The following CDH13 variants were observed in gnomAD, a reference collection of about 807,000 sequenced individuals.
The protein encoded by CDH13 is cadherin-13.
In CDH13, 24 loss-of-function variants were observed where a neutral mutation model predicts 63.8. That is an observed-to-expected ratio of 0.38 (90% CI 0.27 to 0.53). The LOEUF (loss-of-function observed/expected upper bound fraction) is 0.53, where lower values mean the gene tolerates loss of function less well. Among genes scored for constraint, CDH13 ranks in the 20% least tolerant of loss-of-function variants. CDH13 has a pLI of 0.85. For missense variants in CDH13, 1,049 were observed against 903.1 expected (o/e 1.16, Z -2.07); for synonymous variants, 503 against 355.3 (o/e 1.42, Z -4.67).
intron 7 of CDH13, among the ~76,000 whole-genome samples, chr16:83,544,349 T>G (rs1348071556): frequency 1.3e-5 from 2 of 152,078 alleles, no homozygotes; most frequent in Non-Finnish European, 2.9e-5. Flanking sequence ...GCTCCAACAT[T>G]TCCTATAGAT....
Position 83,224,507 on chromosome 16 carries a change from T to A in CDH13, c.636+7010T>A, listed in dbSNP as rs56122750. On this transcript the variant is annotated intron_variant, in intron 5 of 13. Transcript: ENST00000567109. ...CTGTGATCTTCACTTCTGTCATCAT[T>A]AGGGTCCTATCAATCAATAACACAC... 3.8e-3 allele frequency among the ~76,000 whole-genome samples: 575 copies of A among 152,298 alleles called. 7 individuals carry two copies. The highest frequency in any genetic ancestry group is 0.013 in the African/African-American group (544 of 41,562).
intron 1 of CDH13, among the ~76,000 whole-genome samples, chr16:82,782,757 C>G (rs2035822331): frequency 6.6e-6 from 1 of 152,158 alleles, no homozygotes; most frequent in Admixed American, 6.5e-5. Context: ...GGAATCCGGC[C>G]TTCTGTCTGC....
intron 6 of CDH13, among the ~76,000 whole-genome samples, chr16:83,361,653 C>T (rs1263203636): frequency 1.3e-5 from 2 of 152,198 alleles, no homozygotes; most frequent in African/African-American, 2.4e-5. Flanking sequence ...TATGGCTATC[C>T]AGGTATCCAG....
chr16:83,449,305 C>G (rs776221265), intron 6 of CDH13, among the ~76,000 whole-genome samples: 58 of 152,040 alleles, frequency 3.8e-4, no homozygotes, highest in Non-Finnish European at 7.5e-4. Context: ...CGAAGAGGAT[C>G]ATGGTAAAGA....
At chr16:82,768,853 G>A (rs1479333475) in intron 1 of CDH13, among the ~76,000 whole-genome samples, 1 of 152,168 alleles carries the variant, frequency 6.6e-6, no homozygotes, top group African/African-American at 2.4e-5. Flanking sequence ...AAGCAATTCT[G>A]TGTCCGCAGG....
intron 3 of CDH13, among the ~76,000 whole-genome samples, chr16:83,076,897 A>T (rs1000094608): frequency 6.6e-6 from 1 of 152,074 alleles, no homozygotes; most frequent in Non-Finnish European, 1.5e-5. Context: ...TGTTTTTGAC[A>T]TTAAAAGTAA....
chr16:83,771,494 A>G (rs2150998669), intron 11 of CDH13, among the ~76,000 whole-genome samples: 1 of 152,364 alleles, frequency 6.6e-6, no homozygotes, highest in South Asian at 2.1e-4. Context: ...GCAGAGGTTG[A>G]ATGCCAGGAA....
chr16:83,313,888 C>G (rs1480598316), intron 5 of CDH13, among the ~76,000 whole-genome samples: 1 of 152,086 alleles, frequency 6.6e-6, no homozygotes, highest in African/African-American at 2.4e-5. Flanking sequence ...GACTTACTAC[C>G]CATATTACAT....
chr16:83,461,012 C>CACAA (rs940347721), intron 6 of CDH13, among the ~76,000 whole-genome samples: 5 of 151,170 alleles, frequency 3.3e-5, no homozygotes, highest in African/African-American at 1.2e-4. Context: ...CACACACACA[C>CACAA]ACACACACAG....
chr16:82,692,376 A>AG (rs1356881894), intron 1 of CDH13, among the ~76,000 whole-genome samples: 3 of 152,244 alleles, frequency 2.0e-5, no homozygotes, highest in African/African-American at 7.2e-5. Flanking sequence ...TCTGTATGGT[A>AG]GCGGAGGCTT....
chr16:83,240,556 G>A (rs942032797), intron 5 of CDH13, among the ~76,000 whole-genome samples: 4 of 151,882 alleles, frequency 2.6e-5, no homozygotes, highest in African/African-American at 7.3e-5. Flanking sequence ...TGGATTTGCA[G>A]TATGTCTTGA....
In CDH13 at chr16:83,434,434, A is replaced by G. The variant is rs1206333465; in HGVS notation, c.782-52043A>G. On this transcript the variant is annotated intron_variant, in intron 6 of 13. Coordinates refer to ENST00000567109, the MANE Select transcript of CDH13 (RefSeq NM_001257.5). Reference sequence around the variant, plus strand: ...GCCTCTGAAATATAAAGCAGTGTCTATCTCTGGCGTGGTCCAGCCCTGCCA... The same window carrying G: ...GCCTCTGAAATATAAAGCAGTGTCTGTCTCTGGCGTGGTCCAGCCCTGCCA... 2.0e-5 allele frequency among the ~76,000 whole-genome samples: 3 copies of G among 152,066 alleles called. 1 individual carries two copies. The highest frequency in any genetic ancestry group is 7.2e-5 in the African/African-American group (3 of 41,386).
chr16:83,429,323 G>T (rs1029875499), intron 6 of CDH13, among the ~76,000 whole-genome samples: 6 of 152,116 alleles, frequency 3.9e-5, no homozygotes, highest in Admixed American at 6.5e-5. Flanking sequence ...TCCTCATGAG[G>T]TACAGGGGAC....
At chr16:83,329,961 C>G (rs2151902681) in intron 5 of CDH13, among the ~76,000 whole-genome samples, 1 of 152,184 alleles carries the variant, frequency 6.6e-6, no homozygotes, top group South Asian at 2.1e-4. Context: ...ATTTTTTAAC[C>G]ATTGTGAATA....
chr16:83,202,408 A>G (rs1300900978), intron 4 of CDH13, among the ~76,000 whole-genome samples: 5 of 152,084 alleles, frequency 3.3e-5, no homozygotes, highest in African/African-American at 4.8e-5. Flanking sequence ...CCTGAAATCA[A>G]TGGGGTGGGG....
intron 5 of CDH13, among the ~76,000 whole-genome samples, chr16:83,338,698 A>G (rs1307636612): frequency 6.6e-6 from 1 of 152,226 alleles, no homozygotes; most frequent in Admixed American, 6.5e-5. Flanking sequence ...AGCGGCAGCA[A>G]GGAAGCGTAG....
intron 5 of CDH13, among the ~76,000 whole-genome samples, chr16:83,287,660 G>A (rs888145465): frequency 6.6e-6 from 1 of 152,050 alleles, no homozygotes; most frequent in South Asian, 2.1e-4. Flanking sequence ...TCTACATTAT[G>A]ATGACTTATA....
At chr16:82,670,586 G>A (rs915698427) in intron 1 of CDH13, among the ~76,000 whole-genome samples, 1 of 152,206 alleles carries the variant, frequency 6.6e-6, no homozygotes, top group East Asian at 1.9e-4. Flanking sequence ...TAGAAGGACA[G>A]ATGGGGCTAT....
chr16:83,118,413 G>A (rs4128842), intron 3 of CDH13, among the ~76,000 whole-genome samples: 130,757 of 152,202 alleles, frequency 0.86, 56,497 homozygotes, highest in Non-Finnish European at 0.92. Flanking sequence ...GTGTAAACCC[G>A]CATGTGCATA....
Sources: gnomAD v4.1 joint callset for allele counts (sites outside exome capture counted in the v4.1 genomes callset) on GRCh38, gnomAD v4.1.1 for gene constraint, MANE v1.5 for transcripts, NCBI Gene and HGNC (gene_info 2026-07-23, HGNC 2026-07-21) for gene names.